The following TAFA2 variants were observed in gnomAD, a reference collection of about 807,000 sequenced individuals.
The protein encoded by TAFA2 is TAFA chemokine like family member 2, also known as chemokine-like protein TAFA-2.
A neutral mutation model predicts 18.8 loss-of-function variants in TAFA2; 7 were observed. The ratio of observed to expected loss-of-function variants is 0.37; its 90% CI spans 0.21 to 0.70. The LOEUF (loss-of-function observed/expected upper bound fraction) is 0.70. TAFA2 is among the 30% of genes least tolerant of loss of function. The pLI, the probability that TAFA2 is intolerant of heterozygous loss-of-function variation, is 0.53. For synonymous variants in TAFA2, 60 were observed against 54.2 expected (o/e 1.11, Z -0.47); for missense variants, 122 against 158.1 (o/e 0.77, Z 1.23).
intron 1 of TAFA2, chr12:62,207,348 T>C (rs773118208): frequency 6.6e-6 from 1 of 152,188 alleles, no homozygotes; most frequent in Non-Finnish European, 1.5e-5. Context: ...TAATAATGAC[T>C]TTAAGCCTCA....
intron 1 of TAFA2, among the ~76,000 whole-genome samples, chr12:62,159,036 A>T (rs1011209503): frequency 2.6e-5 from 4 of 152,206 alleles, no homozygotes; most frequent in African/African-American, 9.6e-5. Context: ...TTAAATATAG[A>T]GTTCCAAAAA....
At chr12:61,930,089 G>A (rs1877491563) in intron 1 of TAFA2, among the ~76,000 whole-genome samples, 1 of 151,884 alleles carries the variant, frequency 6.6e-6, no homozygotes, top group African/African-American at 2.4e-5. Context: ...ACACCAACAT[G>A]GCACATGTAT....
chr12:62,081,817 T>A (rs144255481), intron 1 of TAFA2, among the ~76,000 whole-genome samples: 2,513 of 152,176 alleles, frequency 0.017, 59 homozygotes, highest in African/African-American at 0.056. Context: ...CAGGAGTACA[T>A]GTGCAGGATG....
intron 2 of TAFA2, among the ~76,000 whole-genome samples, chr12:61,794,714 C>T (rs992795947): frequency 6.6e-6 from 1 of 151,872 alleles, no homozygotes; most frequent in Non-Finnish European, 1.5e-5. Flanking sequence ...AAAATGCCCC[C>T]AAAAATTGAC....
chr12:61,867,239 C>G, intron 2 of TAFA2, 81 bp downstream of exon 2: 1 of 876,552 alleles, frequency 1.1e-6, no homozygotes, highest in Non-Finnish European at 1.8e-6. Context: ...TTTAACAGAC[C>G]AGTGGAGGCA....
intron 1 of TAFA2, among the ~76,000 whole-genome samples, chr12:61,921,757 C>T (rs1877064846): frequency 6.6e-6 from 1 of 152,104 alleles, no homozygotes; most frequent in African/African-American, 2.4e-5. Context: ...AGGCATATAA[C>T]TACACAGTAT....
intron 1 of TAFA2, among the ~76,000 whole-genome samples, chr12:62,185,620 T>C (rs994202034): frequency 1.3e-5 from 2 of 152,216 alleles, no homozygotes; most frequent in African/African-American, 4.8e-5. Flanking sequence ...AGTAACCAGG[T>C]TTCCTACTTT....
intron 1 of TAFA2, among the ~76,000 whole-genome samples, chr12:61,943,158 TAAAGA>T (rs1565690413): frequency 3.0e-5 from 2 of 67,678 alleles, no homozygotes; most frequent in African/African-American, 1.1e-4. Context: ...TCAACATTCT[TAAAGA>T]AAAGAATTTT....
In TAFA2 at chr12:61,810,985, G is replaced by T. The variant is rs1871843537; in HGVS notation, c.107-55961C>A. Among the ~76,000 whole-genome samples, 4 of 149,724 alleles carry T rather than the reference G, an allele frequency of 2.7e-5. 1 individual carries two copies. The highest frequency in any genetic ancestry group is 3.9e-4 in the East Asian group (2 of 5,166). On this transcript the variant is annotated intron_variant, in intron 2 of 4. Coordinates refer to ENST00000416284, the MANE Select transcript of TAFA2 (RefSeq NM_178539.5). ...TTGGGTTAATCTATCGAGAATTGATGATTTTTTTTTTCTTTACAGAAGCTA... is the reference window on the plus strand; with the variant it reads ...TTGGGTTAATCTATCGAGAATTGATTATTTTTTTTTTCTTTACAGAAGCTA...
intron 2 of TAFA2, among the ~76,000 whole-genome samples, chr12:61,817,542 CAA>C (rs1046611458): frequency 7.9e-5 from 12 of 152,072 alleles, no homozygotes; most frequent in African/African-American, 2.9e-4. Context: ...TTTTTTCTCC[CAA>C]GAGAGAGCTT....
intron 1 of TAFA2, among the ~76,000 whole-genome samples, chr12:62,153,615 A>T (rs2062345354): frequency 6.6e-6 from 1 of 152,138 alleles, no homozygotes. Context: ...GGCCACAGTC[A>T]GCTATGATTG....
At chr12:62,067,125 T>G (rs981052472) in intron 1 of TAFA2, among the ~76,000 whole-genome samples, 1 of 152,116 alleles carries the variant, frequency 6.6e-6, no homozygotes. Flanking sequence ...TTGAAAAATG[T>G]CTATTCAAAT....
intron 1 of TAFA2, among the ~76,000 whole-genome samples, chr12:61,877,462 G>A (rs959311423): frequency 2.0e-5 from 3 of 152,144 alleles, no homozygotes; most frequent in African/African-American, 7.2e-5. Context: ...CTGGTGAGAT[G>A]TATTCTATTG....
chr12:62,082,736 T>A (rs938134496), intron 1 of TAFA2, among the ~76,000 whole-genome samples: 1 of 152,188 alleles, frequency 6.6e-6, no homozygotes, highest in African/African-American at 2.4e-5. Context: ...CATCAAGTAT[T>A]GAAATAATAA....
chr12:61,999,777 A>T (rs137960500), intron 1 of TAFA2, among the ~76,000 whole-genome samples: 1 of 152,340 alleles, frequency 6.6e-6, no homozygotes, highest in East Asian at 1.9e-4. Context: ...AAAATCCTGC[A>T]ATTAGAGCTG....
At chr12:62,234,830 G>A (rs79021694) in intron 1 of TAFA2, 77,782 of 1,021,216 alleles carry the variant, frequency 0.076, 4,043 homozygotes, top group Non-Finnish European at 0.087. Flanking sequence ...GCTGACTTAC[G>A]AGAGTCCTGA....
intron 1 of TAFA2, among the ~76,000 whole-genome samples, chr12:61,929,591 A>C (rs142560744): frequency 0.034 from 5,165 of 151,336 alleles, 146 homozygotes; most frequent in Non-Finnish European, 0.05. Context: ...GTGGAAGTCG[A>C]TGTGGCGATT....
chr12:62,256,347 C>G (rs941239715), intron 1 of TAFA2, among the ~76,000 whole-genome samples: 9 of 151,754 alleles, frequency 5.9e-5, no homozygotes, highest in African/African-American at 2.2e-4. Context: ...ATTAAACTTT[C>G]TAGATCCTAT....
chr12:61,992,203 T>C (rs1262419352), intron 1 of TAFA2, among the ~76,000 whole-genome samples: 1 of 152,208 alleles, frequency 6.6e-6, no homozygotes, highest in African/African-American at 2.4e-5. Flanking sequence ...TTTGGTTCCA[T>C]TTAGAAGTCC....
Sources: gnomAD v4.1 joint callset for allele counts (sites outside exome capture counted in the v4.1 genomes callset) on GRCh38, gnomAD v4.1.1 for gene constraint, MANE v1.5 for transcripts, NCBI Gene and HGNC (gene_info 2026-07-23, HGNC 2026-07-21) for gene names.